The following RNF217 variants were observed in gnomAD, a reference collection of about 807,000 sequenced individuals.
The protein encoded by RNF217 is ring finger protein 217.
A neutral mutation model predicts 57.8 loss-of-function variants in RNF217; 31 were observed. The observed-to-expected ratio is 0.54, with a 90% CI of 0.40 to 0.72. RNF217 has a LOEUF of 0.72. Ranked by LOEUF, RNF217 falls within the 30% of genes least tolerant of loss-of-function variation. The pLI is 0.00. For missense variants in RNF217, 696 were observed against 708.3 expected (o/e 0.98, Z 0.20); for synonymous variants, 313 against 294.0 (o/e 1.06, Z -0.66).
intron 1 of RNF217, among the ~76,000 whole-genome samples, chr6:124,987,992 C>T (rs373391925): frequency 3.9e-5 from 6 of 152,128 alleles, no homozygotes; most frequent in Non-Finnish European, 5.9e-5. Context: ...GATCAATCCC[C>T]GGACTGTTAG....
Position 125,016,096 on chromosome 6 carries a change from AG to A in RNF217, c.883-29110del, listed in dbSNP as rs926402783. ...AACTAGAAGAAGAAATGAGAATATA[AG>A]GGGGAAAGGGTCTGGTTAAAAGAGA... On this transcript the variant is annotated intron_variant, in intron 1 of 5. Transcript: ENST00000521654. Among the ~76,000 whole-genome samples the A allele has an allele frequency of 5.4e-4, 82 of 152,246 alleles. 2 individuals are homozygous for A. The highest frequency in any genetic ancestry group is 1.8e-3 in the African/African-American group (76 of 41,558).
At chr6:125,031,253 C>T (rs1158401790) in intron 1 of RNF217, among the ~76,000 whole-genome samples, 3 of 152,204 alleles carry the variant, frequency 2.0e-5, no homozygotes, top group African/African-American at 7.2e-5. Context: ...CGATGAAGGC[C>T]TCTGACATGG....
intron 1 of RNF217, among the ~76,000 whole-genome samples, chr6:124,963,627 T>C (rs537037516): frequency 6.6e-5 from 10 of 152,348 alleles, no homozygotes; most frequent in African/African-American, 2.4e-4. Flanking sequence ...AACTTTGCTG[T>C]GAACTTCAGG....
chr6:125,022,227 T>C (rs568191173), intron 1 of RNF217, among the ~76,000 whole-genome samples: 15 of 152,302 alleles, frequency 9.8e-5, no homozygotes, highest in African/African-American at 3.6e-4. Flanking sequence ...GCAGATCTAT[T>C]TGGTTTATAG....
intron 1 of RNF217, among the ~76,000 whole-genome samples, chr6:124,972,408 A>G (rs941393587): frequency 9.2e-5 from 14 of 152,082 alleles, no homozygotes; most frequent in Non-Finnish European, 2.1e-4. Flanking sequence ...CTCTCCACAC[A>G]TATGCCAGAG....
At chr6:124,993,642 C>A (rs1784643256) in intron 1 of RNF217, among the ~76,000 whole-genome samples, 1 of 152,150 alleles carries the variant, frequency 6.6e-6, no homozygotes, top group African/African-American at 2.4e-5. Flanking sequence ...ACCTGTCTTA[C>A]AGTGTAGTAG....
chr6:125,011,693 C>T (rs529421459), intron 1 of RNF217, among the ~76,000 whole-genome samples: 1 of 152,086 alleles, frequency 6.6e-6, no homozygotes, highest in African/African-American at 2.4e-5. Flanking sequence ...AAAAAGTCAC[C>T]TTTAATTTTT....
At chr6:125,080,451 T>C (rs1418391559) in intron 4 of RNF217, among the ~76,000 whole-genome samples, 1 of 152,144 alleles carries the variant, frequency 6.6e-6, no homozygotes, top group East Asian at 1.9e-4. Flanking sequence ...TTTAGTGTAA[T>C]TGATTATTCT....
chr6:125,064,350 T>C (rs79418529), intron 3 of RNF217, among the ~76,000 whole-genome samples: 1,991 of 152,284 alleles, frequency 0.013, 17 homozygotes, highest in Non-Finnish European at 0.02. Context: ...GTTAGAAGCA[T>C]GATTGTTTGA....
chr6:124,975,576 G>A (rs780469558), intron 1 of RNF217, among the ~76,000 whole-genome samples: 30 of 151,956 alleles, frequency 2.0e-4, no homozygotes, highest in South Asian at 8.3e-4. Context: ...GACTATAGGC[G>A]TGCACCACCA....
chr6:124,998,646 A>G (rs1308744189), intron 1 of RNF217, among the ~76,000 whole-genome samples: 2 of 152,138 alleles, frequency 1.3e-5, no homozygotes, highest in Non-Finnish European at 2.9e-5. Flanking sequence ...TAAAAATACA[A>G]AAAACCTAGT....
intron 1 of RNF217, among the ~76,000 whole-genome samples, chr6:124,971,806 T>C (rs1267310810): frequency 6.6e-6 from 1 of 152,212 alleles, no homozygotes; most frequent in Non-Finnish European, 1.5e-5. Context: ...CTTCCTAAGT[T>C]TCTGGTCATT....
intron 1 of RNF217, chr6:124,971,424 T>C: frequency 3.7e-6 from 1 of 273,050 alleles, no homozygotes; most frequent in South Asian, 3.1e-5. Flanking sequence ...AGGAAAGCTA[T>C]GATTTGATTT....
chr6:124,975,077 A>G (rs1249240784), intron 1 of RNF217, among the ~76,000 whole-genome samples: 3 of 152,200 alleles, frequency 2.0e-5, no homozygotes, highest in African/African-American at 7.2e-5. Context: ...AATATTCTCT[A>G]CTGTAAGATT....
Position 125,045,315 on chromosome 6 carries a change from G to A in RNF217, c.987G>A (p.Lys329=). The A allele has an allele frequency of 6.2e-7, 1 of 1,613,380 alleles. No individual in the cohort carries two copies. The highest frequency in any genetic ancestry group is 2.2e-5 in the East Asian group (1 of 44,814). ...ACTTAACGCATGAAGACTCCATCAAGTATAAGTACTTCTTGGAACTTGGCC... is the reference window on the plus strand; with the variant it reads ...ACTTAACGCATGAAGACTCCATCAAATATAAGTACTTCTTGGAACTTGGCC... ...VYNLTHEDSI[K]YKYFLELGRI... The change falls in exon 2 of 6, where the codon AAG becomes AAA. Residue 329 remains lysine (K), a synonymous_variant. Coordinates refer to ENST00000521654, the MANE Select transcript of RNF217 (RefSeq NM_001286398.3).
chr6:125,044,288 G>T (rs549108710), intron 1 of RNF217, among the ~76,000 whole-genome samples: 1 of 152,132 alleles, frequency 6.6e-6, no homozygotes. Context: ...AAAAGAGATT[G>T]TAATGCCATG....
intron 2 of RNF217, 118 bp from the exon 3 acceptor site, chr6:125,057,824 A>G: frequency 1.3e-6 from 1 of 753,040 alleles, no homozygotes; most frequent in South Asian, 2.4e-5. Flanking sequence ...AGTCTTATAG[A>G]GGGGGAGGTA....
intron 3 of RNF217, among the ~76,000 whole-genome samples, chr6:125,074,338 TA>T (rs1393799728): frequency 6.7e-6 from 1 of 150,264 alleles, no homozygotes; most frequent in Non-Finnish European, 1.5e-5. Context: ...GATAGATAGA[TA>T]GATAGATAGA....
At chr6:125,030,025 T>C (rs1786282002) in intron 1 of RNF217, among the ~76,000 whole-genome samples, 1 of 152,116 alleles carries the variant, frequency 6.6e-6, no homozygotes, top group Admixed American at 6.6e-5. Context: ...CTCAGAATCA[T>C]GGCGGGAGGT....
Sources: allele counts gnomAD v4.1 joint callset (sites outside exome capture counted in the v4.1 genomes callset), GRCh38; gene constraint gnomAD v4.1.1; transcripts MANE v1.5; gene names NCBI Gene and HGNC (gene_info 2026-07-23, HGNC 2026-07-21).